Variants in ERBB4 observed in about 807,000 individuals in gnomAD.
The protein encoded by ERBB4 is receptor tyrosine-protein kinase erbB-4.
A neutral mutation model predicts 158.0 loss-of-function variants in ERBB4; 42 were observed. The observed-to-expected ratio is 0.27, with a 90% CI of 0.21 to 0.34. The LOEUF (loss-of-function observed/expected upper bound fraction) is 0.34, where lower values mean the gene tolerates loss of function less well. ERBB4 is among the 10% of genes least tolerant of loss of function. ERBB4 has a pLI of 1.00. For missense variants in ERBB4, 1,333 were observed against 1,624.1 expected (o/e 0.82, Z 3.08); for synonymous variants, 583 against 558.7 (o/e 1.04, Z -0.61).
At chr2:211,766,167 G>A (rs1007340738) in intron 4 of ERBB4, among the ~76,000 whole-genome samples, 1 of 152,018 alleles carries the variant, frequency 6.6e-6, no homozygotes, top group Non-Finnish European at 1.5e-5. Flanking sequence ...CCTACAATTG[G>A]CAAAAGAATC....
At chr2:211,843,285 A>C (rs10497951) in intron 3 of ERBB4, among the ~76,000 whole-genome samples, 33,028 of 151,994 alleles carry the variant, frequency 0.22, 3,711 homozygotes, top group South Asian at 0.33. Flanking sequence ...GTCAGCTTTC[A>C]TATTGGGTGA....
chr2:212,005,624 T>C (rs1026430050), intron 2 of ERBB4, among the ~76,000 whole-genome samples: 3 of 152,132 alleles, frequency 2.0e-5, no homozygotes, highest in Non-Finnish European at 4.4e-5. Flanking sequence ...AAGCTTCAGG[T>C]AAAATATATT....
At chr2:212,153,820 C>T (rs1021326905) in intron 1 of ERBB4, among the ~76,000 whole-genome samples, 14 of 152,012 alleles carry the variant, frequency 9.2e-5, no homozygotes, top group Admixed American at 7.2e-4. Context: ...TTAGAATGTG[C>T]GAATGTTATA....
At chr2:211,662,890 T>C (rs1030243801) in intron 15 of ERBB4, among the ~76,000 whole-genome samples, 1 of 152,228 alleles carries the variant, frequency 6.6e-6, no homozygotes, top group African/African-American at 2.4e-5. Context: ...TCTTGAATTA[T>C]CTGACATCAT....
At chr2:212,163,202 CCTAT>C (rs1396327372) in intron 1 of ERBB4, among the ~76,000 whole-genome samples, 7 of 152,036 alleles carry the variant, frequency 4.6e-5, no homozygotes, top group African/African-American at 1.4e-4. Flanking sequence ...CTAAATGCTA[CCTAT>C]CTGTGTGTGT....
At chr2:211,928,446 C>T (rs1217345736) in intron 3 of ERBB4, among the ~76,000 whole-genome samples, 3 of 152,186 alleles carry the variant, frequency 2.0e-5, no homozygotes. Flanking sequence ...AAATGCCAGG[C>T]TGGGGGCTAC....
chr2:211,417,918 G>T (rs2063428647), intron 25 of ERBB4, among the ~76,000 whole-genome samples: 1 of 152,074 alleles, frequency 6.6e-6, no homozygotes. Context: ...TGTTTACCTG[G>T]CATTATAAAT....
intron 25 of ERBB4, among the ~76,000 whole-genome samples, chr2:211,393,747 G>A (rs200108431): frequency 0.046 from 2,699 of 58,850 alleles, 36 homozygotes; most frequent in South Asian, 0.13. Flanking sequence ...TAGCGTGTGT[G>A]TGTGTGTGTG....
At chr2:212,081,475 A>T (rs1176970703) in intron 2 of ERBB4, among the ~76,000 whole-genome samples, 1 of 152,188 alleles carries the variant, frequency 6.6e-6, no homozygotes, top group Non-Finnish European at 1.5e-5. Flanking sequence ...ACACTAAATC[A>T]AGGGTACCAA....
In ERBB4 at chr2:211,936,062, A is replaced by T. The variant is rs373258337; in HGVS notation, c.421+11368T>A. ...ATGAATAATTTTTTAAAACTAGTAG[A>T]ATTTATTATTGTGTTCTTATTTGTA... is the stretch of plus-strand genomic sequence containing the variant. On this transcript the variant is annotated intron_variant, in intron 3 of 27. Transcript: ENST00000342788. Among the ~76,000 whole-genome samples the T allele has an allele frequency of 4.0e-4, 61 of 152,276 alleles. No individual in the cohort carries two copies. The East Asian group carries it at 4.8e-3, about 12-fold the overall frequency.
chr2:211,569,244 C>G (rs541592189), intron 19 of ERBB4, among the ~76,000 whole-genome samples: 1 of 152,182 alleles, frequency 6.6e-6, no homozygotes, highest in African/African-American at 2.4e-5. Context: ...AAGTCTACAT[C>G]GGGAAAGAAT....
chr2:212,379,813 G>C (rs1275859011), intron 1 of ERBB4, among the ~76,000 whole-genome samples: 1 of 151,392 alleles, frequency 6.6e-6, no homozygotes, highest in Non-Finnish European at 1.5e-5. Flanking sequence ...GTGTGTGTGT[G>C]TGTGTATGTG....
intron 19 of ERBB4, among the ~76,000 whole-genome samples, chr2:211,613,181 T>C (rs764645421): frequency 3.2e-4 from 48 of 152,184 alleles, no homozygotes; most frequent in Non-Finnish European, 6.5e-4. Context: ...AAAAGAAGTC[T>C]AGAACTTTGC....
intron 20 of ERBB4, among the ~76,000 whole-genome samples, chr2:211,522,712 C>A (rs2125641669): frequency 6.6e-6 from 1 of 152,154 alleles, no homozygotes; most frequent in East Asian, 1.9e-4. Context: ...GAAATTTCAC[C>A]ATCAGAAAGA....
chr2:211,564,625 T>A (rs148820479), intron 19 of ERBB4, among the ~76,000 whole-genome samples: 1 of 152,124 alleles, frequency 6.6e-6, no homozygotes, highest in African/African-American at 2.4e-5. Flanking sequence ...ACATGCCAAA[T>A]CTTGATACAT....
chr2:211,436,087 G>C (rs929430812), intron 20 of ERBB4, among the ~76,000 whole-genome samples: 1 of 152,110 alleles, frequency 6.6e-6, no homozygotes, highest in Non-Finnish European at 1.5e-5. Context: ...CTTCCAAAGT[G>C]TTGGGATTAC....
chr2:212,161,045 A>G (rs927077366), intron 1 of ERBB4, among the ~76,000 whole-genome samples: 4 of 152,036 alleles, frequency 2.6e-5, no homozygotes, highest in Admixed American at 1.3e-4. Flanking sequence ...TTAATATCCC[A>G]TAAATATTCA....
At chr2:212,248,409 A>G (rs2084392251) in intron 1 of ERBB4, among the ~76,000 whole-genome samples, 1 of 152,166 alleles carries the variant, frequency 6.6e-6, no homozygotes, top group Admixed American at 6.6e-5. Flanking sequence ...GAAAGAGTAT[A>G]TACTTGGTTT....
intron 1 of ERBB4, among the ~76,000 whole-genome samples, chr2:212,477,827 C>G (rs1689482564): frequency 6.6e-6 from 1 of 152,052 alleles, no homozygotes; most frequent in African/African-American, 2.4e-5. Flanking sequence ...TTGCTTGTCA[C>G]TCAGTTATTC....
Sources: gnomAD v4.1 joint callset for allele counts (sites outside exome capture counted in the v4.1 genomes callset) on GRCh38, gnomAD v4.1.1 for gene constraint, MANE v1.5 for transcripts, NCBI Gene and HGNC (gene_info 2026-07-23, HGNC 2026-07-21) for gene names.